LRRFIP1: variants seen among roughly 807,000 people sequenced by gnomAD.
LRRFIP1 encodes LRR binding FLII interacting protein 1, also known as leucine-rich repeat flightless-interacting protein 1.
LRRFIP1 carries 62 observed loss-of-function variants against 104.4 expected under a neutral mutation model. The ratio of observed to expected loss-of-function variants is 0.59; its 90% CI spans 0.48 to 0.73. The LOEUF (loss-of-function observed/expected upper bound fraction) is 0.73, where lower values mean the gene tolerates loss of function less well. LRRFIP1 is among the 30% of genes least tolerant of loss of function. LRRFIP1 has a pLI of 0.00. For missense variants in LRRFIP1, 796 were observed against 824.5 expected, an observed-to-expected ratio of 0.97 and a Z score of 0.42; for synonymous variants, 300 against 299.0, an observed-to-expected ratio of 1.00 and a Z score of -0.03.
At chr2:237,702,068 A>G (rs2093565918) in intron 1 of LRRFIP1, among the ~76,000 whole-genome samples, 1 of 152,118 alleles carries the variant, frequency 6.6e-6, no homozygotes. Flanking sequence ...TGGGGCTGGC[A>G]TTAATGTGGC....
intron 12 of LRRFIP1, 124 bp downstream of exon 12, chr2:237,748,523 C>A: frequency 2.3e-6 from 2 of 853,826 alleles, no homozygotes; most frequent in Non-Finnish European, 3.7e-6. Flanking sequence ...TAGAAAGCGG[C>A]CCACCTAACC....
chr2:237,652,594 C>G (rs1040831255), intron 1 of LRRFIP1, among the ~76,000 whole-genome samples: 1 of 152,200 alleles, frequency 6.6e-6, no homozygotes, highest in East Asian at 1.9e-4. Flanking sequence ...TGAGTGTTCA[C>G]CGAAAAGACC....
At position 237,632,092 on chromosome 2, in the gene LRRFIP1, C is replaced by T. The variant is rs561308067; in HGVS notation, c.96+4352C>T. ...CAGCCACCGCCTTTCACTTGAGCCA[C>T]GGCCACACAGGAGTCCAGTTGCGGA... is the stretch of plus-strand genomic sequence containing the variant. On this transcript the variant is annotated intron_variant, in intron 1 of 23. Coordinates refer to ENST00000308482, the MANE Select transcript of LRRFIP1 (RefSeq NM_001137550.2). Among the ~76,000 whole-genome samples, 14 of 152,192 alleles carry T rather than the reference C, an allele frequency of 9.2e-5. No homozygotes were observed. The East Asian group carries it at 1.6e-3, about 17-fold the overall frequency.
chr2:237,766,577 C>A lies in LRRFIP1; in HGVS notation c.1460-3366C>A, dbSNP rs1334930973. On this transcript the variant is annotated intron_variant, in intron 19 of 23. Transcript: ENST00000308482. This position sits in a 1 kb window ranked among gnomAD's most constrained non-coding sequence, Gnocchi z 4.8. ...CACACATCACATCCCTCAGCTCAGC[C>A]ATCCAGCCGTCTCAGTGATTCACCA... 6.6e-6 allele frequency among the ~76,000 whole-genome samples: 1 copy of A among 152,164 alleles called. No individual in the cohort carries two copies. Among genetic ancestry groups the A allele is most frequent in the East Asian group, 1.9e-4 (1 of 5,190 alleles).
intron 1 of LRRFIP1, among the ~76,000 whole-genome samples, chr2:237,690,425 T>C (rs2092681073): frequency 6.6e-6 from 1 of 152,230 alleles, no homozygotes; most frequent in African/African-American, 2.4e-5. Context: ...CTCCAAATAA[T>C]TGCACTTTAA....
In LRRFIP1 at chr2:237,661,733, G is replaced by A. The variant is rs777703015; in HGVS notation, c.96+33993G>A. On this transcript the variant is annotated intron_variant, in intron 1 of 23. Transcript: ENST00000308482. This position sits in a 1 kb window ranked among gnomAD's most constrained non-coding sequence, Gnocchi z 4.4. Reference sequence around the variant, plus strand: ...ACGGGAGTGGGCACACATTCTCTGTGCTGTGCATGGGGACAGCTCCAGGAA... The same window carrying A: ...ACGGGAGTGGGCACACATTCTCTGTACTGTGCATGGGGACAGCTCCAGGAA... Among the ~76,000 whole-genome samples the A allele has an allele frequency of 9.9e-5, 15 of 152,206 alleles. No individual in the cohort carries two copies. The highest frequency in any genetic ancestry group is 1.9e-4 in the Non-Finnish European group (13 of 68,042).
intron 2 of LRRFIP1, among the ~76,000 whole-genome samples, chr2:237,712,655 A>ATG (rs1034538724): frequency 2.0e-5 from 3 of 151,970 alleles, no homozygotes; most frequent in Non-Finnish European, 2.9e-5. Context: ...GTGTGTGTGC[A>ATG]TGTGTGTGCA....
chr2:237,743,003 A>C (rs570302615), intron 11 of LRRFIP1, among the ~76,000 whole-genome samples: 2 of 151,526 alleles, frequency 1.3e-5, no homozygotes, highest in African/African-American at 4.9e-5. Context: ...GATACCCTTA[A>C]AAAGCAAAAA....
At chr2:237,708,712 T>C in intron 2 of LRRFIP1, 82 bp downstream of exon 2, 1 of 1,430,320 alleles carries the variant, frequency 7.0e-7, no homozygotes, top group Non-Finnish European at 9.6e-7. Context: ...CACCTGTTGC[T>C]GCAGACGCAC....
intron 1 of LRRFIP1, among the ~76,000 whole-genome samples, chr2:237,634,540 T>C (rs1337733957): frequency 6.6e-6 from 1 of 152,162 alleles, no homozygotes; most frequent in Non-Finnish European, 1.5e-5. Context: ...GATGGGAAAG[T>C]TTTAGGAGTA....
At chr2:237,673,650 G>A (rs554540727) in intron 1 of LRRFIP1, among the ~76,000 whole-genome samples, 2 of 152,350 alleles carry the variant, frequency 1.3e-5, no homozygotes, top group South Asian at 4.1e-4. Flanking sequence ...CCCTGGGTCC[G>A]TGTTTGTGGA....
At chr2:237,655,616 G>A (rs1468901498) in intron 1 of LRRFIP1, among the ~76,000 whole-genome samples, 1 of 152,208 alleles carries the variant, frequency 6.6e-6, no homozygotes, top group Non-Finnish European at 1.5e-5. Context: ...GGGGAAGATT[G>A]ACTACATCTC....
At position 237,711,150 on chromosome 2, in the gene LRRFIP1, C is replaced by A. The variant is rs939140350; in HGVS notation, c.183+2520C>A. 5.9e-5 allele frequency among the ~76,000 whole-genome samples: 9 copies of A among 152,318 alleles called. No individual in the cohort carries two copies. Among genetic ancestry groups the A allele is most frequent in the African/African-American group, 2.2e-4 (9 of 41,568 alleles). On this transcript the variant is annotated intron_variant, in intron 2 of 23. Transcript: ENST00000308482. This position sits in a 1 kb window ranked among gnomAD's most constrained non-coding sequence, Gnocchi z 4.4. ...AGTCTTGGGCATTTAATTTTAGTAT[C>A]ATGAAAAAGGGGTGCAGGGCAGCCC... is the stretch of plus-strand genomic sequence containing the variant.
chr2:237,751,353 C>A, intron 14 of LRRFIP1, 82 bp downstream of exon 14: 1 of 1,118,038 alleles, frequency 8.9e-7, no homozygotes, highest in Non-Finnish European at 1.3e-6. Flanking sequence ...AGAAGAAATT[C>A]AAAGTGCATG....
chr2:237,642,126 AG>A (rs1359954155), intron 1 of LRRFIP1, among the ~76,000 whole-genome samples: 1 of 152,186 alleles, frequency 6.6e-6, no homozygotes, highest in Admixed American at 6.5e-5. Flanking sequence ...CCACCTGGCA[AG>A]GGGAGGCGAT....
intron 1 of LRRFIP1, among the ~76,000 whole-genome samples, chr2:237,697,363 A>T (rs2093260089): frequency 6.6e-6 from 1 of 152,236 alleles, no homozygotes; most frequent in South Asian, 2.1e-4. Flanking sequence ...ATAATGGTAG[A>T]AATGAAATAG....
intron 1 of LRRFIP1, among the ~76,000 whole-genome samples, chr2:237,704,396 C>T (rs569944237): frequency 2.0e-5 from 3 of 152,200 alleles, no homozygotes; most frequent in East Asian, 3.9e-4. Flanking sequence ...TCAGGTGATC[C>T]GCCCACCTCA....
intron 1 of LRRFIP1, among the ~76,000 whole-genome samples, chr2:237,690,029 C>G (rs567047911): frequency 6.6e-6 from 1 of 152,310 alleles, no homozygotes; most frequent in Admixed American, 6.5e-5. Context: ...AGGAACTGAA[C>G]GAGGTGGCTT....
At position 237,781,110 on chromosome 2, in the gene LRRFIP1, A is replaced by C. The variant is rs1414781126; in HGVS notation, c.*1578A>C. ...CTGACCATGCTGGGCCCACCGGCAA[A>C]AGGGAGATATTCAGTTCCTTGTCTC... On this transcript the variant is annotated 3_prime_UTR_variant, in exon 24 of 24. Coordinates refer to ENST00000308482, the MANE Select transcript of LRRFIP1 (RefSeq NM_001137550.2). Among the ~76,000 whole-genome samples the C allele has an allele frequency of 6.6e-6, 1 of 152,238 alleles. No individual in the cohort carries two copies.
Sources: gnomAD v4.1 joint callset for allele counts (sites outside exome capture counted in the v4.1 genomes callset) on GRCh38, gnomAD v4.1.1 for gene constraint, Gnocchi (gnomAD v3.1) non-coding constraint, MANE v1.5 for transcripts, NCBI Gene and HGNC (gene_info 2026-07-23, HGNC 2026-07-21) for gene names.